The following PRDM2 variants were observed in gnomAD, a reference collection of about 807,000 sequenced individuals.
PRDM2 encodes the protein PR/SET domain 2.
PRDM2 carries 30 observed loss-of-function variants against 130.0 expected under a neutral mutation model. The ratio of observed to expected loss-of-function variants is 0.23; its 90% confidence interval spans 0.17 to 0.31. PRDM2 has a LOEUF of 0.31. Among genes scored for constraint, PRDM2 ranks in the 10% least tolerant of loss-of-function variants. The probability of loss-of-function intolerance (pLI) is 1.00; values close to 1 mark genes in which losing one functional copy is unlikely to be tolerated. For missense variants in PRDM2, 2,011 were observed against 2,108.4 expected (o/e 0.95, Z 0.90); for synonymous variants, 871 against 782.4 (o/e 1.11, Z -1.89).
chr1:13,717,755 G>A (rs1642591433), intron 2 of PRDM2, among the ~76,000 whole-genome samples: 1 of 151,566 alleles, frequency 6.6e-6, no homozygotes, highest in East Asian at 1.9e-4. Context: ...GCAGAAGACC[G>A]CCTTTGATCC....
intron 6 of PRDM2, among the ~76,000 whole-genome samples, chr1:13,753,556 G>A (rs1569872822): frequency 6.6e-6 from 1 of 152,260 alleles, no homozygotes; most frequent in African/African-American, 2.4e-5. Flanking sequence ...CTAAAGGTGC[G>A]AAATAACAAG....
chr1:13,780,951 T>C lies in PRDM2; in HGVS notation c.3156T>C (p.Ser1052=). 1 of 1,608,838 alleles carries C rather than the reference T, an allele frequency of 6.2e-7. No individual in the cohort carries two copies. Among genetic ancestry groups the C allele is most frequent in the Non-Finnish European group, 8.5e-7 (1 of 1,175,394 alleles). Residue 1052 remains serine, a synonymous_variant, in exon 8 of 10, where the codon TCT becomes TCC. Transcript: ENST00000311066. The part of the protein sequence containing the change: ...SAASPGPPTL[S]SSSSSSSSSS... ...CCTCACCCGGGCCTCCAACACTTTC[T>C]TCTTCCTCCTCTTCATCTTCCTCCT...
At chr1:13,783,415 A>C (rs1644667022) in intron 8 of PRDM2, among the ~76,000 whole-genome samples, 1 of 152,180 alleles carries the variant, frequency 6.6e-6, no homozygotes, top group Admixed American at 6.5e-5. Context: ...CAGCCGTAGG[A>C]CGGTAAACAA....
intron 8 of PRDM2, chr1:13,787,908 T>A: frequency 1.0e-6 from 1 of 985,208 alleles, no homozygotes; most frequent in South Asian, 4.7e-5. Context: ...TAATTATAGA[T>A]AGACAAGAGT....
At chr1:13,809,145 C>T (rs1430474213) in intron 8 of PRDM2, among the ~76,000 whole-genome samples, 2 of 152,142 alleles carry the variant, frequency 1.3e-5, no homozygotes, top group Non-Finnish European at 1.5e-5. Context: ...GCTGGGAGGG[C>T]AGTGCAGGCT....
intron 8 of PRDM2, among the ~76,000 whole-genome samples, chr1:13,802,547 A>G (rs1322714174): frequency 6.6e-6 from 1 of 152,124 alleles, no homozygotes; most frequent in Non-Finnish European, 1.5e-5. Flanking sequence ...GCAACTCCAA[A>G]CCACACACGG....
intron 9 of PRDM2, 48 bp downstream of exon 9, chr1:13,816,618 G>C (rs772234466): frequency 6.2e-7 from 1 of 1,601,690 alleles, no homozygotes; most frequent in Non-Finnish European, 8.5e-7. Flanking sequence ...GGTGGGTCAA[G>C]GGGGTGTGGG....
At chr1:13,737,044 C>T (rs148576145) in intron 4 of PRDM2, among the ~76,000 whole-genome samples, 7 of 152,308 alleles carry the variant, frequency 4.6e-5, no homozygotes, top group East Asian at 3.9e-4. Context: ...TTATAGTCTT[C>T]GCTATCTCAG....
intron 4 of PRDM2, among the ~76,000 whole-genome samples, chr1:13,735,864 AATC>A (rs1050366285): frequency 6.6e-5 from 10 of 152,302 alleles, no homozygotes; most frequent in Middle Eastern, 3.4e-3. Context: ...AGAACATAAA[AATC>A]ATTGAAACTC....
chr1:13,782,881 C>A, intron 8 of PRDM2, 50 bp downstream of exon 8: 1 of 1,599,224 alleles, frequency 6.3e-7, no homozygotes, highest in South Asian at 1.1e-5. Context: ...CGACAGTATC[C>A]TTGCCTACGG....
At chr1:13,801,065 C>A (rs1239881791) in intron 8 of PRDM2, among the ~76,000 whole-genome samples, 1 of 152,228 alleles carries the variant, frequency 6.6e-6, no homozygotes, top group African/African-American at 2.4e-5. Context: ...AAAGCCTCCA[C>A]GTACCTAGTG....
At chr1:13,743,231 C>T (rs966122991) in intron 5 of PRDM2, among the ~76,000 whole-genome samples, 21 of 151,870 alleles carry the variant, frequency 1.4e-4, no homozygotes, top group Non-Finnish European at 2.4e-4. Context: ...AACCCCGTCT[C>T]TACTAAAAAA....
At chr1:13,768,374 C>T (rs1042464954) in intron 6 of PRDM2, among the ~76,000 whole-genome samples, 16 of 151,334 alleles carry the variant, frequency 1.1e-4, no homozygotes, top group East Asian at 3.9e-4. Flanking sequence ...TGAGCCACCG[C>T]GCCCGGCCTT....
At chr1:13,731,337 AAC>A (rs375806046) in intron 3 of PRDM2, among the ~76,000 whole-genome samples, 3 of 150,762 alleles carry the variant, frequency 2.0e-5, no homozygotes, top group Non-Finnish European at 4.4e-5. Flanking sequence ...CACACACACA[AAC>A]ACACACACAC....
intron 2 of PRDM2, among the ~76,000 whole-genome samples, chr1:13,725,249 G>A (rs946692910): frequency 7.9e-5 from 12 of 152,134 alleles, no homozygotes; most frequent in African/African-American, 2.4e-4. Context: ...CTATCCCCCG[G>A]GCTGGAGTGC....
At chr1:13,818,525 C>A (rs1340418915) in intron 9 of PRDM2, among the ~76,000 whole-genome samples, 1 of 149,762 alleles carries the variant, frequency 6.7e-6, no homozygotes, top group East Asian at 2.0e-4. Context: ...ACTACAGGCA[C>A]CCGCCACTAC....
chr1:13,726,352 G>GC, intron 2 of PRDM2, among the ~76,000 whole-genome samples: 1 of 152,288 alleles, frequency 6.6e-6, no homozygotes, highest in East Asian at 1.9e-4. Context: ...CAGTAGAAGG[G>GC]CCCTTCAGAG....
At chr1:13,716,709 A>G (rs957257976) in intron 2 of PRDM2, among the ~76,000 whole-genome samples, 1 of 152,188 alleles carries the variant, frequency 6.6e-6, no homozygotes, top group Non-Finnish European at 1.5e-5. Context: ...CTAATAATAT[A>G]TTCTAGAGTA....
At chr1:13,710,071 C>T (rs1033320731) in intron 1 of PRDM2, among the ~76,000 whole-genome samples, 1 of 152,210 alleles carries the variant, frequency 6.6e-6, no homozygotes, top group African/African-American at 2.4e-5. Context: ...AAAATCTGTT[C>T]TCCTACTTTG....
Sources: allele counts gnomAD v4.1 joint callset (sites outside exome capture counted in the v4.1 genomes callset), GRCh38; gene constraint gnomAD v4.1.1; transcripts MANE v1.5; gene names NCBI Gene and HGNC (gene_info 2026-07-23, HGNC 2026-07-21).